NAALADL2: variants seen among roughly 807,000 people sequenced by gnomAD.
NAALADL2 encodes inactive N-acetylated-alpha-linked acidic dipeptidase-like protein 2.
A neutral mutation model predicts 87.2 loss-of-function variants in NAALADL2; 76 were observed. That is an observed-to-expected ratio of 0.87 (90% CI 0.72 to 1.05). The LOEUF (loss-of-function observed/expected upper bound fraction) is 1.05. NAALADL2 is among the 50% of genes least tolerant of loss of function. The probability of loss-of-function intolerance (pLI) is 0.00; values close to 1 mark genes in which losing one functional copy is unlikely to be tolerated. For synonymous variants in NAALADL2, 354 were observed against 331.0 expected, an observed-to-expected ratio of 1.07 and a Z score of -0.75; for missense variants, 1,089 against 945.8, an observed-to-expected ratio of 1.15 and a Z score of -1.99.
At chr3:175,696,186 A>G (rs373200526) in intron 11 of NAALADL2, among the ~76,000 whole-genome samples, 22 of 152,200 alleles carry the variant, frequency 1.4e-4, no homozygotes, top group African/African-American at 5.3e-4. Context: ...TTTATGTAAT[A>G]TACATTAGTG....
intron 2 of NAALADL2, among the ~76,000 whole-genome samples, chr3:175,122,805 C>T (rs1726347772): frequency 6.6e-6 from 1 of 151,820 alleles, no homozygotes. Flanking sequence ...ATGCCACAGG[C>T]TGAGTGATTT....
At chr3:174,974,469 A>G (rs1744101186) in intron 1 of NAALADL2, among the ~76,000 whole-genome samples, 1 of 152,214 alleles carries the variant, frequency 6.6e-6, no homozygotes, top group Non-Finnish European at 1.5e-5. Flanking sequence ...GGTTTTACCT[A>G]TTAAGTAGAC....
At chr3:174,716,813 T>G (rs890304049) in intron 2 of NAALADL2, among the ~76,000 whole-genome samples, 1 of 152,092 alleles carries the variant, frequency 6.6e-6, no homozygotes, top group Non-Finnish European at 1.5e-5. Context: ...AAAAATACTT[T>G]GTTAATAATG....
chr3:175,351,687 C>T (rs566113667), intron 5 of NAALADL2, among the ~76,000 whole-genome samples: 64 of 152,014 alleles, frequency 4.2e-4, no homozygotes, highest in African/African-American at 1.5e-3. Flanking sequence ...TCACAACCAG[C>T]GAATTGCGAT....
At chr3:175,037,524 G>A (rs940495069) in intron 1 of NAALADL2, among the ~76,000 whole-genome samples, 1 of 152,094 alleles carries the variant, frequency 6.6e-6, no homozygotes, top group Admixed American at 6.5e-5. Flanking sequence ...AGACTAGCTG[G>A]GGTTAACCCT....
chr3:175,359,838 A>C (rs55723066), intron 5 of NAALADL2, among the ~76,000 whole-genome samples: 1 of 152,116 alleles, frequency 6.6e-6, no homozygotes, highest in South Asian at 2.1e-4. Flanking sequence ...TTACTATAAA[A>C]CCTAGGACCA....
chr3:175,456,843 G>A (rs1389640507), intron 6 of NAALADL2, among the ~76,000 whole-genome samples: 1 of 151,982 alleles, frequency 6.6e-6, no homozygotes, highest in Non-Finnish European at 1.5e-5. Context: ...ATTGCATCAA[G>A]TTGTCAAATC....
intron 1 of NAALADL2, among the ~76,000 whole-genome samples, chr3:174,875,112 C>CAA (rs10547300): frequency 0.012 from 502 of 41,510 alleles, 31 homozygotes; most frequent in South Asian, 0.035. Context: ...GACCCTGTCT[C>CAA]AAAAAAAAAA....
Position 175,466,233 on chromosome 3 carries a change from A to G in NAALADL2, c.1328-746A>G, listed in dbSNP as rs112644516. ...GATACTTGCTCAGATAAATTCAGATATGTTATTATTACCAATAACATTCGC... is the reference window on the plus strand; with the variant it reads ...GATACTTGCTCAGATAAATTCAGATGTGTTATTATTACCAATAACATTCGC... On this transcript the variant is annotated intron_variant, in intron 7 of 13. Transcript: ENST00000454872. 4.0e-3 allele frequency among the ~76,000 whole-genome samples: 604 copies of G among 152,294 alleles called. 7 individuals are homozygous for G. The highest frequency in any genetic ancestry group is 0.014 in the African/African-American group (587 of 41,564).
At chr3:174,556,325 A>T (rs912262270) in intron 2 of NAALADL2, among the ~76,000 whole-genome samples, 5 of 152,140 alleles carry the variant, frequency 3.3e-5, no homozygotes, top group Admixed American at 1.3e-4. Flanking sequence ...TAGGAGACTG[A>T]TGCTGAATTT....
intron 2 of NAALADL2, among the ~76,000 whole-genome samples, chr3:174,689,010 A>T (rs1728303743): frequency 6.6e-6 from 1 of 152,138 alleles, no homozygotes; most frequent in African/African-American, 2.4e-5. Flanking sequence ...AGCAAAAAAA[A>T]AAAATTATGT....
intron 2 of NAALADL2, among the ~76,000 whole-genome samples, chr3:175,210,312 G>C (rs1741583309): frequency 1.3e-5 from 2 of 151,482 alleles, no homozygotes; most frequent in South Asian, 2.1e-4. Context: ...AATATGGTAA[G>C]AATTAAAAAA....
At chr3:175,306,337 T>C (rs1757718326) in intron 4 of NAALADL2, among the ~76,000 whole-genome samples, 1 of 152,186 alleles carries the variant, frequency 6.6e-6, no homozygotes, top group Admixed American at 6.5e-5. Context: ...ATTTTACCTA[T>C]ATAAGGCAAA....
intron 3 of NAALADL2, among the ~76,000 whole-genome samples, chr3:174,770,590 C>T (rs1311157090): frequency 6.6e-6 from 1 of 152,064 alleles, no homozygotes; most frequent in East Asian, 1.9e-4. Context: ...CCTGTAATCC[C>T]AGCACTTTGG....
intron 1 of NAALADL2, among the ~76,000 whole-genome samples, chr3:174,874,130 G>C (rs988930340): frequency 6.6e-6 from 1 of 152,036 alleles, no homozygotes; most frequent in Non-Finnish European, 1.5e-5. Context: ...AGAGTGGATG[G>C]TAGTATGCTG....
At chr3:174,551,218 A>C (rs1712089732) in intron 2 of NAALADL2, 1 of 152,076 alleles carries the variant, frequency 6.6e-6, no homozygotes, top group African/African-American at 2.4e-5. Flanking sequence ...CTTGTGTTTA[A>C]ATGCAAATAA....
intron 13 of NAALADL2, among the ~76,000 whole-genome samples, chr3:175,792,765 G>A (rs1377238345): frequency 6.6e-6 from 1 of 152,196 alleles, no homozygotes; most frequent in Middle Eastern, 3.2e-3. Context: ...AGGTTGGATC[G>A]ATGCAGTATT....
intron 11 of NAALADL2, among the ~76,000 whole-genome samples, chr3:175,659,159 T>C (rs961157195): frequency 6.6e-6 from 1 of 152,208 alleles, no homozygotes; most frequent in East Asian, 1.9e-4. Flanking sequence ...GAAAATCATA[T>C]GCCTAACATA....
chr3:175,718,253 C>T (rs1479904271), intron 11 of NAALADL2: 36 of 862,222 alleles, frequency 4.2e-5, no homozygotes, highest in East Asian at 9.5e-5. Context: ...GTCCTTCGGG[C>T]GACTGAGGGA....
Sources: gnomAD v4.1 joint callset for allele counts (sites outside exome capture counted in the v4.1 genomes callset) on GRCh38, gnomAD v4.1.1 for gene constraint, MANE v1.5 for transcripts, NCBI Gene and HGNC (gene_info 2026-07-23, HGNC 2026-07-21) for gene names.